IFT88: variants seen among roughly 807,000 people sequenced by gnomAD.
IFT88 encodes intraflagellar transport protein 88 homolog.
IFT88 carries 74 observed loss-of-function variants against 119.5 expected under a neutral mutation model. The ratio of observed to expected loss-of-function variants is 0.62; its 90% CI spans 0.51 to 0.75. The LOEUF is 0.75. Among genes scored for constraint, IFT88 ranks in the 30% least tolerant of loss-of-function variants. IFT88 has a pLI of 0.00. For missense variants in IFT88, 961 were observed against 977.7 expected, an observed-to-expected ratio of 0.98 and a Z score of 0.23; for synonymous variants, 279 against 316.7, an observed-to-expected ratio of 0.88 and a Z score of 1.26.
chr13:20,648,691 T>G (rs1286775435), intron 20 of IFT88, among the ~76,000 whole-genome samples: 2 of 152,126 alleles, frequency 1.3e-5, no homozygotes, highest in African/African-American at 4.8e-5. Flanking sequence ...ACATTAAATA[T>G]AAATTTATTA....
intron 3 of IFT88, among the ~76,000 whole-genome samples, chr13:20,584,238 A>G (rs908132292): frequency 1.3e-5 from 2 of 152,058 alleles, no homozygotes; most frequent in African/African-American, 2.4e-5. Flanking sequence ...CATCTTAACA[A>G]TATTAAGTCT....
intron 2 of IFT88, among the ~76,000 whole-genome samples, chr13:20,580,724 CTTTTTT>C (rs1162699940): frequency 1.6e-5 from 2 of 122,738 alleles, no homozygotes; most frequent in Non-Finnish European, 3.4e-5. Context: ...TTTCTTTTTT[CTTTTTT>C]TTTTTTTTTT....
intron 24 of IFT88, among the ~76,000 whole-genome samples, chr13:20,677,757 AAGAG>A (rs2056856513): frequency 6.6e-6 from 1 of 152,224 alleles, no homozygotes; most frequent in Admixed American, 6.5e-5. Context: ...TTAAAAATAG[AAGAG>A]AGAGACAGAC....
chr13:20,681,499 G>A (rs1182191122), intron 24 of IFT88, among the ~76,000 whole-genome samples: 1 of 152,242 alleles, frequency 6.6e-6, no homozygotes, highest in Non-Finnish European at 1.5e-5. Context: ...TGCTGTATCT[G>A]CGTTTGAGAC....
At position 20,644,942 on chromosome 13, in the gene IFT88, A is replaced by G; in HGVS notation, c.1933A>G (p.Arg645Gly). The change falls in exon 20 of 26, where the codon AGA (arginine) becomes GGA (glycine). Residue 645 changes from arginine to glycine, a missense_variant. Transcript: ENST00000351808. ...GGAAAAAGCTATTCAGTACTTTGAA[A>G]GAGCTTCTCTTATACAGTAAGTAAT... is the stretch of plus-strand genomic sequence containing the variant. ...FWEKAIQYFE[R>G]ASLIQPTQVK... The G allele has an allele frequency of 1.9e-6, 3 of 1,549,032 alleles. No individual in the cohort carries two copies. Among genetic ancestry groups the G allele is most frequent in the South Asian group, 1.1e-5 (1 of 88,340 alleles).
chr13:20,681,216 G>A (rs1459113805), intron 24 of IFT88, among the ~76,000 whole-genome samples: 2 of 152,220 alleles, frequency 1.3e-5, no homozygotes, highest in Non-Finnish European at 2.9e-5. Flanking sequence ...AAGCTGGAAT[G>A]CACATGACCG....
chr13:20,584,404 A>G (rs2039269107), intron 3 of IFT88, among the ~76,000 whole-genome samples: 2 of 152,194 alleles, frequency 1.3e-5, no homozygotes, highest in South Asian at 2.1e-4. Flanking sequence ...AAATATTTTT[A>G]TTAGGCATCA....
At chr13:20,654,504 G>T (rs1024375124) in intron 21 of IFT88, among the ~76,000 whole-genome samples, 4 of 152,186 alleles carry the variant, frequency 2.6e-5, no homozygotes, top group Non-Finnish European at 5.9e-5. Context: ...AGATCAAGCT[G>T]GGAGAGAAAT....
chr13:20,647,278 C>T (rs2050901885), intron 20 of IFT88, among the ~76,000 whole-genome samples: 1 of 152,066 alleles, frequency 6.6e-6, no homozygotes, highest in African/African-American at 2.4e-5. Flanking sequence ...TACCATATAT[C>T]TTAATTTTTC....
At chr13:20,597,188 T>C (rs1566124477) in intron 9 of IFT88, 69 bp downstream of exon 9, 3 of 707,562 alleles carry the variant, frequency 4.2e-6, no homozygotes, top group Non-Finnish European at 6.8e-6. Context: ...CCAGAGTCTT[T>C]TTTCTTTTAT....
intron 7 of IFT88, among the ~76,000 whole-genome samples, chr13:20,595,095 C>T (rs577949608): frequency 6.6e-6 from 1 of 152,086 alleles, no homozygotes; most frequent in African/African-American, 2.4e-5. Flanking sequence ...AACTTCTTCA[C>T]CTCATTAGAA....
At chr13:20,622,488 T>G (rs1393375176) in intron 14 of IFT88, among the ~76,000 whole-genome samples, 2 of 152,226 alleles carry the variant, frequency 1.3e-5, no homozygotes, top group African/African-American at 4.8e-5. Context: ...CTCACCAACA[T>G]TTGGTAATGT....
intron 13 of IFT88, chr13:20,608,163 A>G (rs972189324): frequency 3.7e-5 from 15 of 401,606 alleles, no homozygotes; most frequent in Non-Finnish European, 6.5e-5. Flanking sequence ...TAGAGTCCAG[A>G]GGACAGGACC....
chr13:20,578,059 T>C (rs1286997088), intron 2 of IFT88, among the ~76,000 whole-genome samples: 1 of 131,592 alleles, frequency 7.6e-6, no homozygotes, highest in Admixed American at 7.5e-5. Flanking sequence ...TTTTTTTTTT[T>C]TTTCAGATGG....
At chr13:20,627,692 C>A (rs1344218732) in intron 15 of IFT88, among the ~76,000 whole-genome samples, 1 of 141,034 alleles carries the variant, frequency 7.1e-6, no homozygotes, top group East Asian at 2.2e-4. Flanking sequence ...GATCCCACCA[C>A]TGCACTCTGG....
chr13:20,599,751 G>GTT (rs977762543), intron 11 of IFT88, among the ~76,000 whole-genome samples, 186 bp downstream of exon 11: 2 of 152,074 alleles, frequency 1.3e-5, no homozygotes, highest in Non-Finnish European at 2.9e-5. Flanking sequence ...CAAGTTAAAG[G>GTT]TTAAAGCATT....
At chr13:20,688,400 T>C (rs1361536573) in intron 24 of IFT88, among the ~76,000 whole-genome samples, 1 of 152,164 alleles carries the variant, frequency 6.6e-6, no homozygotes, top group African/African-American at 2.4e-5. Flanking sequence ...GGTTCTAATG[T>C]AGAAAACAAG....
intron 19 of IFT88, among the ~76,000 whole-genome samples, chr13:20,643,923 T>G (rs1321673298): frequency 6.6e-6 from 1 of 152,098 alleles, no homozygotes; most frequent in Non-Finnish European, 1.5e-5. Context: ...GCAGCTAATT[T>G]TTGTATTTTT....
At chr13:20,691,023 ACT>A in intron 25 of IFT88, 29 bp from the exon 26 acceptor site, 3 of 1,609,014 alleles carry the variant, frequency 1.9e-6, no homozygotes, top group Non-Finnish European at 2.5e-6. Context: ...TGTTTACATA[ACT>A]CTAACGTGAC....
Sources: gnomAD v4.1 joint callset for allele counts (sites outside exome capture counted in the v4.1 genomes callset) on GRCh38, gnomAD v4.1.1 for gene constraint, MANE v1.5 for transcripts, NCBI Gene and HGNC (gene_info 2026-07-23, HGNC 2026-07-21) for gene names.